STX8: variants seen among roughly 807,000 people sequenced by gnomAD.
The protein encoded by STX8 is syntaxin 8.
In STX8, 23 loss-of-function variants were observed where a neutral mutation model predicts 37.5. The ratio of observed to expected loss-of-function variants is 0.61; its 90% CI spans 0.44 to 0.87. The LOEUF is 0.87. Ranked by LOEUF, STX8 falls within the 40% of genes least tolerant of loss-of-function variation. STX8 has a pLI of 0.00. For synonymous variants in STX8, 115 were observed against 99.1 expected (o/e 1.16, Z -0.95); for missense variants, 313 against 284.7 (o/e 1.10, Z -0.71).
intron 7 of STX8, among the ~76,000 whole-genome samples, chr17:9,323,944 G>A (rs1007445668): frequency 5.9e-5 from 9 of 152,162 alleles, no homozygotes; most frequent in Admixed American, 3.9e-4. Flanking sequence ...TACCTGCTGG[G>A]GGAATGGGAC....
intron 7 of STX8, among the ~76,000 whole-genome samples, chr17:9,364,953 A>AT (rs1911178356): frequency 6.6e-6 from 1 of 151,682 alleles, no homozygotes; most frequent in East Asian, 1.9e-4. Context: ...ATTATTTTAA[A>AT]TGACTACCTA....
At chr17:9,387,278 T>A (rs1331645624) in intron 6 of STX8, among the ~76,000 whole-genome samples, 1 of 151,970 alleles carries the variant, frequency 6.6e-6, no homozygotes, top group Non-Finnish European at 1.5e-5. Context: ...TTATATATAG[T>A]AGCATATGTA....
At chr17:9,406,812 T>C (rs1271538388) in intron 6 of STX8, among the ~76,000 whole-genome samples, 3 of 152,194 alleles carry the variant, frequency 2.0e-5, no homozygotes, top group Non-Finnish European at 2.9e-5. Context: ...AATATGTTTA[T>C]TGAAAAAGAT....
chr17:9,397,612 GAAC>G (rs1243287021), intron 6 of STX8, among the ~76,000 whole-genome samples: 3 of 152,228 alleles, frequency 2.0e-5, no homozygotes, highest in Non-Finnish European at 2.9e-5. Context: ...GGAAGATTCT[GAAC>G]AACAAAATTG....
chr17:9,566,736 G>A (rs975648023), intron 2 of STX8, among the ~76,000 whole-genome samples: 85 of 151,878 alleles, frequency 5.6e-4, no homozygotes, highest in African/African-American at 2.0e-3. Flanking sequence ...GCAGTGAGCC[G>A]AGATTGCACC....
At chr17:9,485,877 T>C (rs1280673566) in intron 6 of STX8, among the ~76,000 whole-genome samples, 1 of 152,100 alleles carries the variant, frequency 6.6e-6, no homozygotes, top group African/African-American at 2.4e-5. Context: ...TAAGCCACCA[T>C]GCTCGGACAA....
In STX8 at chr17:9,514,277, C is replaced by A. The variant is rs1259305517; in HGVS notation, c.324-9115G>T. On this transcript the variant is annotated intron_variant, in intron 4 of 7. Coordinates refer to ENST00000306357, the MANE Select transcript of STX8 (RefSeq NM_004853.3). ...ATGTATGAAAACATCACTATGTACC[C>A]CATAAATATGTATAATTATTATATG... Among the ~76,000 whole-genome samples the A allele has an allele frequency of 2.0e-5, 3 of 152,096 alleles. No individual in the cohort carries two copies. In the South Asian group the frequency reaches 6.2e-4, roughly 32 times the overall value.
rs61437085 is a variant in STX8 at position 9,503,105 on chromosome 17, C to CAAAAAAAAAAA, written c.448+1922_448+1932dup. ...TAGGCAGCAAAGCCAGACTCTGTCT[C>CAAAAAAAAAAA]AAAAAAAAAAAAAAAAAAAAAAGAG... is the stretch of plus-strand genomic sequence containing the variant. On this transcript the variant is annotated intron_variant, in intron 5 of 7. Transcript: ENST00000306357. 5.3e-3 allele frequency among the ~76,000 whole-genome samples: 309 copies of CAAAAAAAAAAA among 58,574 alleles called. 28 individuals carry two copies. The highest frequency in any genetic ancestry group is 0.022 in the African/African-American group (297 of 13,224). The allele number at this position is 58,574 out of a possible 152,430, so 38.4% of individuals were successfully genotyped here.
chr17:9,266,821 T>C (rs924324793), intron 7 of STX8, among the ~76,000 whole-genome samples: 9 of 152,164 alleles, frequency 5.9e-5, no homozygotes, highest in African/African-American at 2.2e-4. Context: ...AATAAGGGGC[T>C]GATGAGAGAG....
In STX8 at chr17:9,507,209, G is replaced by A. The variant is rs1187546817; in HGVS notation, c.324-2047C>T. On this transcript the variant is annotated intron_variant, in intron 4 of 7. Transcript: ENST00000306357. This position sits in a 1 kb window ranked among gnomAD's most constrained non-coding sequence, Gnocchi z 4.0. The stretch of plus-strand genomic sequence containing the variant: ...CCCCCTACAGACATGCCCCCGGCCT[G>A]CCCAAAGGCCCCACACCTCAATCAG... 6.7e-6 allele frequency among the ~76,000 whole-genome samples: 1 copy of A among 149,562 alleles called. No individual in the cohort carries two copies. Among genetic ancestry groups the A allele is most frequent in the Non-Finnish European group, 1.5e-5 (1 of 67,304 alleles).
chr17:9,451,790 CAGAGAG>C (rs34073862), intron 6 of STX8, among the ~76,000 whole-genome samples: 7 of 149,770 alleles, frequency 4.7e-5, no homozygotes, highest in Non-Finnish European at 4.5e-5. Flanking sequence ...TACATATATA[CAGAGAG>C]AGAGAGAGAG....
intron 7 of STX8, among the ~76,000 whole-genome samples, chr17:9,341,250 T>C (rs1295669192): frequency 6.6e-6 from 1 of 152,066 alleles, no homozygotes; most frequent in Non-Finnish European, 1.5e-5. Flanking sequence ...GGATGCTCTC[T>C]GGTTTTGCTT....
At chr17:9,461,029 A>T (rs570059351) in intron 6 of STX8, among the ~76,000 whole-genome samples, 3 of 151,000 alleles carry the variant, frequency 2.0e-5, no homozygotes, top group African/African-American at 7.3e-5. Context: ...AATGTTTCCA[A>T]CCCCTGCTTT....
chr17:9,252,885 T>G (rs1269027755), intron 7 of STX8, among the ~76,000 whole-genome samples: 2 of 151,786 alleles, frequency 1.3e-5, no homozygotes, highest in African/African-American at 2.4e-5. Flanking sequence ...CTAACAATGG[T>G]TTTTATATTT....
intron 6 of STX8, among the ~76,000 whole-genome samples, chr17:9,414,151 C>T: frequency 6.7e-6 from 1 of 149,786 alleles, no homozygotes; most frequent in African/African-American, 2.5e-5. Context: ...TCCATCCATC[C>T]ATCCATGAAA....
chr17:9,370,719 C>A (rs1246162733), intron 7 of STX8, among the ~76,000 whole-genome samples: 1 of 152,174 alleles, frequency 6.6e-6, no homozygotes, highest in Non-Finnish European at 1.5e-5. Flanking sequence ...AATTCTTAGT[C>A]TGGTCTTTCA....
At position 9,369,495 on chromosome 17, in the gene STX8, C is replaced by A. The variant is rs538011554; in HGVS notation, c.643+9057G>T. Among the ~76,000 whole-genome samples the A allele has an allele frequency of 3.3e-5, 5 of 152,230 alleles. No homozygotes were observed. In the South Asian group the frequency reaches 6.2e-4, roughly 19 times the overall value. ...TTGTGGTAAAAGATTAAAAATAATT[C>A]TCTGAGAGACAAAAGTAGCTCTAAA... On this transcript the variant is annotated intron_variant, in intron 7 of 7. Coordinates refer to ENST00000306357, the MANE Select transcript of STX8 (RefSeq NM_004853.3).
intron 6 of STX8, among the ~76,000 whole-genome samples, chr17:9,440,278 T>G (rs1018920922): frequency 2.3e-4 from 35 of 152,158 alleles, no homozygotes; most frequent in Non-Finnish European, 1.2e-4. Flanking sequence ...CCTACCTAGT[T>G]ATATGTGCTC....
chr17:9,431,555 A>G (rs1913984134), intron 6 of STX8, among the ~76,000 whole-genome samples: 1 of 152,064 alleles, frequency 6.6e-6, no homozygotes, highest in Admixed American at 6.6e-5. Context: ...TCGGCCTCTG[A>G]AAGTGCTGGG....
Sources: allele counts gnomAD v4.1 joint callset (sites outside exome capture counted in the v4.1 genomes callset), GRCh38; gene constraint gnomAD v4.1.1; non-coding constraint Gnocchi (gnomAD v3.1); transcripts MANE v1.5; gene names NCBI Gene and HGNC (gene_info 2026-07-23, HGNC 2026-07-21).